PTPN22: variants seen among roughly 807,000 people sequenced by gnomAD.
The protein encoded by PTPN22 is tyrosine-protein phosphatase non-receptor type 22.
PTPN22 carries 85 observed loss-of-function variants against 103.3 expected under a neutral mutation model. The ratio of observed to expected loss-of-function variants is 0.82; its 90% confidence interval spans 0.69 to 0.99. The LOEUF (loss-of-function observed/expected upper bound fraction) is 0.99, where lower values mean the gene tolerates loss of function less well. Ranked by LOEUF, PTPN22 falls within the 50% of genes least tolerant of loss-of-function variation. The probability of loss-of-function intolerance (pLI) is 0.00; values close to 1 mark genes in which losing one functional copy is unlikely to be tolerated. For missense variants in PTPN22, 865 were observed against 936.9 expected, an observed-to-expected ratio of 0.92 and a Z score of 1.00; for synonymous variants, 323 against 310.2, an observed-to-expected ratio of 1.04 and a Z score of -0.43.
chr1:113,844,042 A>G (rs952240304), intron 11 of PTPN22, among the ~76,000 whole-genome samples: 1 of 151,892 alleles, frequency 6.6e-6, no homozygotes, highest in Non-Finnish European at 1.5e-5. Context: ...ACCAGCCTGG[A>G]CAACATAGCT....
intron 19 of PTPN22, 152 bp downstream of exon 19, chr1:113,824,990 G>T: frequency 2.9e-6 from 1 of 348,356 alleles, no homozygotes; most frequent in Non-Finnish European, 5.2e-6. Flanking sequence ...AAAAAAAAAG[G>T]AGGCCTATGG....
intron 11 of PTPN22, among the ~76,000 whole-genome samples, chr1:113,840,221 CAAA>C (rs35772284): frequency 8.6e-6 from 1 of 116,764 alleles, no homozygotes. Context: ...AATTCCATCT[CAAA>C]AAAAAAAAAA....
At chr1:113,864,786 C>A (rs1233348054) in intron 1 of PTPN22, among the ~76,000 whole-genome samples, 2 of 152,102 alleles carry the variant, frequency 1.3e-5, no homozygotes, top group East Asian at 3.9e-4. Flanking sequence ...GTGACACACA[C>A]CTGTAGTCCC....
chr1:113,858,484 A>G, exon 4 of PTPN22: 3 of 1,579,732 alleles, frequency 1.9e-6, no homozygotes, highest in Non-Finnish European at 2.6e-6. Context: ...TTACAAGGAC[A>G]CTATATTCCC....
chr1:113,853,002 G>A lies in PTPN22; in HGVS notation c.751-898C>T, dbSNP rs930385294. 7.2e-5 allele frequency among the ~76,000 whole-genome samples: 11 copies of A among 152,162 alleles called. No individual in the cohort carries two copies. In the South Asian group the frequency reaches 8.3e-4, roughly 11 times the overall value. On this transcript the variant is annotated intron_variant, in intron 9 of 20. Coordinates refer to ENST00000359785, the Ensembl canonical transcript of PTPN22. ...TGCCCAGGCTGGAGTGCAACAGCGC[G>A]ATCTCGGCTCACTGCAGCCTCTGTC...
chr1:113,866,339 CA>C (rs1282567940), intron 1 of PTPN22, among the ~76,000 whole-genome samples: 2 of 152,058 alleles, frequency 1.3e-5, no homozygotes, highest in East Asian at 3.8e-4. Context: ...GATGAAACCC[CA>C]TCTCTACTAA....
At chr1:113,849,722 G>A (rs1013773679) in intron 10 of PTPN22, among the ~76,000 whole-genome samples, 10 of 151,676 alleles carry the variant, frequency 6.6e-5, no homozygotes, top group Admixed American at 5.2e-4. Context: ...CAAGTAAGTC[G>A]GGACTGCAGG....
chr1:113,829,722 AGG>A lies in PTPN22; in HGVS notation c.2135-17_2135-16del. The A allele has an allele frequency of 2.6e-6, 3 of 1,152,920 alleles. No individual in the cohort carries two copies. Among genetic ancestry groups the A allele is most frequent in the Non-Finnish European group, 3.8e-6 (3 of 795,490 alleles). The allele number at this position is 1,152,920 out of a possible 1,614,324, so 71.4% of individuals were successfully genotyped here. A position where few individuals can be genotyped will look rare whatever the true frequency, so the allele number is the denominator to read the frequency against. On this transcript the variant is annotated splice_polypyrimidine_tract_variant and intron_variant, in intron 17 of 20. Coordinates refer to ENST00000359785, the Ensembl canonical transcript of PTPN22. ...GGCCTGCATACCTTAAAAAAAAAAAAGGAGAAAAACATGTTCCATTGCATACC... is the reference window on the plus strand; with the variant it reads ...GGCCTGCATACCTTAAAAAAAAAAAAAGAAAAACATGTTCCATTGCATACC...
At position 113,858,472 on chromosome 1, in the gene PTPN22, A is replaced by G; in HGVS notation, c.369+6T>C. On this transcript the variant is annotated splice_donor_region_variant and intron_variant, in intron 4 of 20. Coordinates refer to ENST00000359785, the Ensembl canonical transcript of PTPN22. ...AATAAAGTAACAAAAGCAACACCAT[A>G]CTTACAAGGACACTATATTCCCAAA... 1 of 1,555,544 alleles carries G rather than the reference A, an allele frequency of 6.4e-7. No homozygotes were observed. Among genetic ancestry groups the G allele is most frequent in the Non-Finnish European group, 8.8e-7 (1 of 1,135,724 alleles).
chr1:113,838,274 T>C (rs954182303), exon 13 of PTPN22: 1 of 1,614,090 alleles, frequency 6.2e-7, no homozygotes, highest in South Asian at 1.1e-5. Flanking sequence ...TCAAAAGAAG[T>C]GCTTGATTTA....
At chr1:113,820,937 A>AT (rs1381454259) in intron 19 of PTPN22, among the ~76,000 whole-genome samples, 2 of 151,546 alleles carry the variant, frequency 1.3e-5, no homozygotes, top group Non-Finnish European at 2.9e-5. Flanking sequence ...ATTAAGATAC[A>AT]TATTTATTTT....
chr1:113,847,701 C>T (rs985043818), intron 11 of PTPN22, among the ~76,000 whole-genome samples: 1 of 151,450 alleles, frequency 6.6e-6, no homozygotes, highest in African/African-American at 2.4e-5. Context: ...GCCTCAGCCT[C>T]CTGAGTAGCT....
intron 9 of PTPN22, among the ~76,000 whole-genome samples, chr1:113,853,352 CTTT>C (rs1314425403): frequency 1.5e-5 from 2 of 130,324 alleles, no homozygotes; most frequent in Non-Finnish European, 1.6e-5. Context: ...CTTTTTCTTT[CTTT>C]TTTTTTTTTT....
chr1:113,829,375 A>G (rs1163001043), intron 18 of PTPN22, among the ~76,000 whole-genome samples: 1 of 152,140 alleles, frequency 6.6e-6, no homozygotes, highest in Non-Finnish European at 1.5e-5. Context: ...AGTACCCAAT[A>G]GGTATTTTTT....
At chr1:113,829,643 T>C (rs752455625) in exon 18 of PTPN22, 9 of 1,610,880 alleles carry the variant, frequency 5.6e-6, no homozygotes, top group South Asian at 1.1e-5. Flanking sequence ...GTTTTGAAGA[T>C]GTTGAATTTT....
chr1:113,838,477 G>A, intron 12 of PTPN22, 67 bp downstream of exon 12: 14 of 1,598,932 alleles, frequency 8.8e-6, no homozygotes, highest in Non-Finnish European at 1.2e-5. Flanking sequence ...TCACAATGAT[G>A]TATAAGCATG....
intron 13 of PTPN22, among the ~76,000 whole-genome samples, 196 bp from the exon 14 acceptor site, chr1:113,835,189 GT>G (rs775793230): frequency 2.0e-5 from 3 of 152,144 alleles, no homozygotes; most frequent in Non-Finnish European, 4.4e-5. Flanking sequence ...AACCCAGGAG[GT>G]TTTTGCTTAT....
chr1:113,825,231 C>T (rs770712717), intron 18 of PTPN22, 59 bp from the exon 19 acceptor site: 105 of 1,066,766 alleles, frequency 9.8e-5, no homozygotes, highest in Non-Finnish European at 1.4e-4. Context: ...ATACTTTAAT[C>T]AAATAGAAAT....
intron 1 of PTPN22, chr1:113,864,130 A>C: frequency 2.7e-6 from 1 of 370,420 alleles, no homozygotes; most frequent in South Asian, 1.9e-5. Context: ...CAAACAAACA[A>C]ACAAACAAAA....
Sources: allele counts gnomAD v4.1 joint callset (sites outside exome capture counted in the v4.1 genomes callset), GRCh38; gene constraint gnomAD v4.1.1; transcripts MANE v1.5; gene names NCBI Gene and HGNC (gene_info 2026-07-23, HGNC 2026-07-21).